Variants in MTNAP1 observed in about 807,000 individuals in gnomAD.
MTNAP1 encodes the protein mitochondrial nucleoid-associated protein 1.
the MTNAP1 span, among the ~76,000 whole-genome samples, chr17:73,246,195 G>A: frequency 6.6e-6 from 1 of 152,164 alleles, no homozygotes; most frequent in African/African-American, 2.4e-5. Flanking sequence ...GTGTCCTCAT[G>A]CCAAAATACA....
chr17:73,234,725 C>T, the MTNAP1 span, among the ~76,000 whole-genome samples: 2 of 145,920 alleles, frequency 1.4e-5, no homozygotes, highest in South Asian at 2.2e-4. Flanking sequence ...AGGACTGTGT[C>T]CTTGGCCATG....
At chr17:73,248,794 CTG>C in the MTNAP1 span, 2 of 418,924 alleles carry the variant, frequency 4.8e-6, no homozygotes, top group South Asian at 9.9e-5. Flanking sequence ...ATCTGAAAGA[CTG>C]AGTTTACTTG....
the MTNAP1 span, chr17:73,236,966 T>G: frequency 5.6e-6 from 9 of 1,595,746 alleles, no homozygotes; most frequent in South Asian, 1.1e-5. Flanking sequence ...CCACAACTTA[T>G]CAGTCCCCAG....
chr17:73,241,453 C>T, the MTNAP1 span, among the ~76,000 whole-genome samples: 1 of 152,108 alleles, frequency 6.6e-6, no homozygotes, highest in Admixed American at 6.6e-5. Context: ...CCACCGCGCC[C>T]GGCCTGCATA....
At chr17:73,239,341 A>G in the MTNAP1 span, among the ~76,000 whole-genome samples, 1 of 152,134 alleles carries the variant, frequency 6.6e-6, no homozygotes, top group Admixed American at 6.6e-5. Flanking sequence ...AGTGCTTAGG[A>G]GTGTCCTTGA....
chr17:73,237,900 A>G, the MTNAP1 span, among the ~76,000 whole-genome samples: 1 of 152,176 alleles, frequency 6.6e-6, no homozygotes, highest in East Asian at 1.9e-4. Flanking sequence ...AGGACCAGAA[A>G]CGGAGGATGT....
chr17:73,242,927 G>C, the MTNAP1 span: 1 of 1,614,006 alleles, frequency 6.2e-7, no homozygotes, highest in Non-Finnish European at 8.5e-7. Flanking sequence ...CCATAAGGAA[G>C]AGTGGATTCG....
chr17:73,246,017 G>T, the MTNAP1 span, among the ~76,000 whole-genome samples: 1 of 152,004 alleles, frequency 6.6e-6, no homozygotes, highest in South Asian at 2.1e-4. Flanking sequence ...CTGATTTTTT[G>T]ACTTCTGCTT....
the MTNAP1 span, chr17:73,245,156 G>A: frequency 6.2e-7 from 1 of 1,613,612 alleles, no homozygotes. Flanking sequence ...ATTTGTCTCT[G>A]TTTATCCAAA....
At chr17:73,247,264 T>G in the MTNAP1 span, 5 of 1,614,230 alleles carry the variant, frequency 3.1e-6, no homozygotes, top group South Asian at 1.1e-5. Flanking sequence ...ACCCCTGCCC[T>G]GGAAGAGCAC....
chr17:73,234,099 G>A, the MTNAP1 span, among the ~76,000 whole-genome samples: 1 of 151,970 alleles, frequency 6.6e-6, no homozygotes, highest in South Asian at 2.1e-4. Context: ...ATATTTAAAC[G>A]TTTATATCTA....
the MTNAP1 span, chr17:73,232,446 C>A: frequency 2.0e-6 from 2 of 978,152 alleles, no homozygotes; most frequent in East Asian, 2.9e-5. Context: ...AAAGGACCTC[C>A]CCTGGGGTGG....
At chr17:73,235,425 T>C in the MTNAP1 span, 2 of 1,397,410 alleles carry the variant, frequency 1.4e-6, no homozygotes, top group Non-Finnish European at 2.0e-6. Flanking sequence ...AGTAAAATAT[T>C]GGTATGTACA....
At chr17:73,245,300 AGGGGAGTG>A in the MTNAP1 span, 2 of 1,451,224 alleles carry the variant, frequency 1.4e-6, no homozygotes, top group Non-Finnish European at 1.8e-6. Context: ...GGACAGGGAG[AGGGGAGTG>A]AAAAAAATAA....
At chr17:73,244,217 T>C in the MTNAP1 span, among the ~76,000 whole-genome samples, 1 of 152,204 alleles carries the variant, frequency 6.6e-6, no homozygotes, top group Non-Finnish European at 1.5e-5. Context: ...ATCAAAAATA[T>C]CAGCATTTTT....
the MTNAP1 span, chr17:73,245,397 G>T: frequency 8.2e-7 from 1 of 1,223,934 alleles, no homozygotes; most frequent in Non-Finnish European, 1.0e-6. Context: ...GGTTCTGTCT[G>T]GATGTTCTTG....
At chr17:73,242,478 A>G in the MTNAP1 span, 11 of 610,390 alleles carry the variant, frequency 1.8e-5, no homozygotes, top group Non-Finnish European at 3.1e-5. Context: ...TTGTCTTCCT[A>G]GTTTTCCATT....
the MTNAP1 span, chr17:73,247,584 T>C: frequency 2.3e-6 from 1 of 438,642 alleles, no homozygotes; most frequent in African/African-American, 2.0e-5. Flanking sequence ...ATATTTTATA[T>C]CCCTGAAAAT....
At chr17:73,235,940 C>A in the MTNAP1 span, 1 of 1,614,180 alleles carries the variant, frequency 6.2e-7, no homozygotes, top group Non-Finnish European at 8.5e-7. Context: ...AGAGAACTTG[C>A]CAAAGATTTG....
Sources: allele counts gnomAD v4.1 joint callset (sites outside exome capture counted in the v4.1 genomes callset), GRCh38; gene constraint gnomAD v4.1.1; transcripts MANE v1.5; gene names NCBI Gene and HGNC (gene_info 2026-07-23, HGNC 2026-07-21).